PADI2: variants seen among roughly 807,000 people sequenced by gnomAD.
PADI2 encodes the protein peptidyl arginine deiminase 2.
A neutral mutation model predicts 81.1 loss-of-function variants in PADI2; 70 were observed. The ratio of observed to expected loss-of-function variants is 0.86; its 90% CI spans 0.71 to 1.05. PADI2 has a LOEUF of 1.05. Among genes scored for constraint, PADI2 ranks in the 50% least tolerant of loss-of-function variants. The pLI is 0.00. For synonymous variants in PADI2, 338 were observed against 358.0 expected (o/e 0.94, Z 0.63); for missense variants, 853 against 889.9 (o/e 0.96, Z 0.53).
intron 13 of PADI2, 85 bp from the exon 14 acceptor site, chr1:17,071,576 G>A: frequency 9.8e-7 from 1 of 1,022,022 alleles, no homozygotes; most frequent in Non-Finnish European, 1.5e-6. Context: ...TCCAGGCCTG[G>A]GCTAACTGCT....
At chr1:17,083,667 A>G (rs930434900) in intron 9 of PADI2, 59 bp downstream of exon 9, 11 of 1,055,198 alleles carry the variant, frequency 1.0e-5, no homozygotes, top group Middle Eastern at 2.1e-4. Flanking sequence ...CATGAAGCCA[A>G]CTCTTCTTTG....
Position 17,083,798 on chromosome 1 carries a change from G to A in PADI2, c.978C>T (p.Asn326=), listed in dbSNP as rs2078365405. ...DNYLFLKEVK[N]LVEKTNCELK... ...GCTCACAGTTGGTTTTCTCCACAAG[G>A]TTCTTCACCTCTTTCAGGAACAGGT... is the stretch of plus-strand genomic sequence containing the variant. The change falls in exon 9 of 16, where the codon AAC becomes AAT. Residue 326 remains asparagine, a synonymous_variant. Coordinates refer to ENST00000375486, the MANE Select transcript of PADI2 (RefSeq NM_007365.3). 1 of 1,613,294 alleles carries A rather than the reference G, an allele frequency of 6.2e-7. No individual in the cohort carries two copies. The highest frequency in any genetic ancestry group is 1.7e-5 in the Admixed American group (1 of 60,020).
chr1:17,068,810 GAC>G lies in PADI2; in HGVS notation c.*232_*233del, dbSNP rs2078243708. 1.7e-6 allele frequency: 1 copy of G among 574,936 alleles called. No individual in the cohort carries two copies. Among genetic ancestry groups the G allele is most frequent in the South Asian group, 2.1e-5 (1 of 48,410 alleles). 35.6% of individuals were successfully genotyped at this position (574,936 alleles called of 1,614,324 possible). ...CTGTTCCTTATGTCAGGGCTACAGAGACACTGGCCCAGCTATTTTCAGCAGGG... is the reference window on the plus strand; with the variant it reads ...CTGTTCCTTATGTCAGGGCTACAGAGACTGGCCCAGCTATTTTCAGCAGGG... On this transcript the variant is annotated 3_prime_UTR_variant, in exon 16 of 16. Transcript: ENST00000375486.
chr1:17,087,589 C>A (rs1397768747), intron 6 of PADI2, among the ~76,000 whole-genome samples: 5 of 152,082 alleles, frequency 3.3e-5, no homozygotes, highest in African/African-American at 1.2e-4. Flanking sequence ...CAACCTCTGC[C>A]TCCTGGGTTC....
In PADI2 at chr1:17,075,721, G is replaced by A. The variant is rs41306576; in HGVS notation, c.1413C>T (p.His471=). 8,070 of 1,614,014 alleles carry A rather than the reference G, an allele frequency of 5.0e-3. 30 individuals carry two copies. The highest frequency in any genetic ancestry group is 6.1e-3 in the Non-Finnish European group (7,149 of 1,179,962). Residue 471 remains histidine, a synonymous_variant, in exon 12 of 16, where the codon CAC becomes CAT. Coordinates refer to ENST00000375486, the MANE Select transcript of PADI2 (RefSeq NM_007365.3). The part of the protein sequence containing the change: ...ELYSDWLTVG[H]VDEFMSFVPI... The stretch of plus-strand genomic sequence containing the variant: ...GGACAAAGGACATGAACTCATCCAC[G>A]TGGCCCACAGTCAGCCAGTCTGAGT...
At chr1:17,097,635 C>T (rs1930984083) in intron 3 of PADI2, among the ~76,000 whole-genome samples, 1 of 152,186 alleles carries the variant, frequency 6.6e-6, no homozygotes, top group African/African-American at 2.4e-5. Flanking sequence ...AATAGCATTG[C>T]TCTCGTTTCA....
intron 6 of PADI2, among the ~76,000 whole-genome samples, chr1:17,090,899 CATT>C (rs1317928347): frequency 6.6e-6 from 1 of 152,086 alleles, no homozygotes; most frequent in African/African-American, 2.4e-5. Context: ...GTCCAGACAT[CATT>C]ATTTGCAACA....
intron 9 of PADI2, 190 bp from the exon 10 acceptor site, chr1:17,082,842 A>G: frequency 2.0e-6 from 1 of 503,938 alleles, no homozygotes; most frequent in Non-Finnish European, 3.5e-6. Context: ...GTCTCTGCAC[A>G]TCACAGGCAG....
intron 3 of PADI2, among the ~76,000 whole-genome samples, chr1:17,100,147 TAGAAGGG>T (rs1931091795): frequency 6.6e-6 from 1 of 151,990 alleles, no homozygotes; most frequent in Admixed American, 6.6e-5. Flanking sequence ...AGAGAAAACC[TAGAAGGG>T]ACAGAGAGAA....
At chr1:17,069,990 C>G in intron 15 of PADI2, 98 bp downstream of exon 15, 1 of 1,387,402 alleles carries the variant, frequency 7.2e-7, no homozygotes, top group Non-Finnish European at 9.7e-7. Context: ...GGATTGGGAC[C>G]TGGGCCTCCC....
chr1:17,072,296 T>C (rs2311483), intron 13 of PADI2, among the ~76,000 whole-genome samples: 91,407 of 152,096 alleles, frequency 0.6, 27,872 homozygotes, highest in Middle Eastern at 0.7. Flanking sequence ...TGGACAGCAG[T>C]AAAGATGCCC....
At chr1:17,076,955 TG>T (rs1223981723) in intron 11 of PADI2, among the ~76,000 whole-genome samples, 1 of 152,040 alleles carries the variant, frequency 6.6e-6, no homozygotes, top group African/African-American at 2.4e-5. Flanking sequence ...CTCCTTAGGG[TG>T]GCCAACAAAT....
In PADI2 at chr1:17,084,700, G is replaced by A. The variant is rs146031508; in HGVS notation, c.837C>T (p.Asp279=). The change falls in exon 8 of 16, where the codon GAC becomes GAT. Residue 279 remains aspartate, a splice_region_variant and synonymous_variant. Coordinates refer to ENST00000375486, the MANE Select transcript of PADI2 (RefSeq NM_007365.3). ...HVSLLEYMAQ[D]IPLTPIFTDT... ...CCGTGAAGATGGGAGTCAGGGGAAT[G>A]TCCTGGGTGTGGGAGACAAGGCGTG... 3 of 1,551,664 alleles carry A rather than the reference G, an allele frequency of 1.9e-6. No individual in the cohort carries two copies. The highest frequency in any genetic ancestry group is 2.6e-6 in the Non-Finnish European group (3 of 1,146,228).
intron 6 of PADI2, among the ~76,000 whole-genome samples, chr1:17,088,669 G>T (rs1157605066): frequency 1.3e-5 from 2 of 151,630 alleles, no homozygotes; most frequent in African/African-American, 4.9e-5. Flanking sequence ...AGCACTTTGG[G>T]ATGCTGAGGC....
chr1:17,087,488 G>GTTTA (rs372378095), intron 6 of PADI2, among the ~76,000 whole-genome samples: 2,862 of 137,096 alleles, frequency 0.021, 34 homozygotes, highest in Non-Finnish European at 0.03. Context: ...ATGTTTGTTT[G>GTTTA]TTTGTTTATT....
At chr1:17,084,078 C>G (rs1275932290) in intron 8 of PADI2, among the ~76,000 whole-genome samples, 2 of 152,192 alleles carry the variant, frequency 1.3e-5, no homozygotes, top group Non-Finnish European at 2.9e-5. Flanking sequence ...CTCTCACCCC[C>G]ACCTGTCCCA....
intron 6 of PADI2, 70 bp from the exon 7 acceptor site, chr1:17,086,769 A>G: frequency 7.2e-7 from 1 of 1,389,968 alleles, no homozygotes; most frequent in Non-Finnish European, 1.0e-6. Context: ...GGGATCACCG[A>G]TGGGGACAAA....
At chr1:17,076,278 G>C (rs978258050) in intron 11 of PADI2, among the ~76,000 whole-genome samples, 3 of 151,768 alleles carry the variant, frequency 2.0e-5, no homozygotes, top group Admixed American at 6.6e-5. Context: ...AGAGTGGCAT[G>C]ATCTTGGTTC....
chr1:17,074,031 C>A (rs12134165), intron 13 of PADI2, among the ~76,000 whole-genome samples: 4 of 152,046 alleles, frequency 2.6e-5, no homozygotes, highest in African/African-American at 9.7e-5. Context: ...TTTTCTATCT[C>A]TCTTTCTAAA....
Sources: gnomAD v4.1 joint callset for allele counts (sites outside exome capture counted in the v4.1 genomes callset) on GRCh38, gnomAD v4.1.1 for gene constraint, MANE v1.5 for transcripts, NCBI Gene and HGNC (gene_info 2026-07-23, HGNC 2026-07-21) for gene names.